The following DCLRE1C variants were observed in gnomAD, a reference collection of about 807,000 sequenced individuals.
DCLRE1C encodes DNA cross-link repair 1C.
In DCLRE1C, 47 loss-of-function variants were observed where a neutral mutation model predicts 61.4. That is an observed-to-expected ratio of 0.77 (90% confidence interval 0.61 to 0.98). The LOEUF is 0.98. Among genes scored for constraint, DCLRE1C ranks in the 50% least tolerant of loss-of-function variants. The probability of loss-of-function intolerance (pLI) is 0.00; values close to 1 mark genes in which losing one functional copy is unlikely to be tolerated. For synonymous variants in DCLRE1C, 337 were observed against 287.6 expected, an observed-to-expected ratio of 1.17 and a Z score of -1.74; for missense variants, 858 against 816.0, an observed-to-expected ratio of 1.05 and a Z score of -0.63.
chr10:14,936,670 C>A, intron 4 of DCLRE1C, 77 bp from the exon 5 acceptor site: 1 of 963,054 alleles, frequency 1.0e-6, no homozygotes, highest in Non-Finnish European at 1.7e-6. Flanking sequence ...CCCTCCTTCA[C>A]AGAACACATT....
chr10:14,908,801 G>C lies in DCLRE1C; in HGVS notation c.1686C>G (p.Ser562=), dbSNP rs1375156921. ...DSQSDTVLLS[S]QERNSGDITS... is the part of the protein sequence containing the mutation. ...TAATATCCCCACTGTTTCTCTCTTG[G>C]GAAGATAACAAAACAGTATCAGATT... Residue 562 remains serine, a synonymous_variant, in exon 14 of 14, where the codon TCC becomes TCG. Transcript: ENST00000378278. 9 of 1,614,060 alleles carry C rather than the reference G, an allele frequency of 5.6e-6. No homozygotes were observed. Among genetic ancestry groups the C allele is most frequent in the African/African-American group, 4.0e-5 (3 of 74,932 alleles).
At chr10:14,948,857 G>A (rs1481510073) in intron 2 of DCLRE1C, among the ~76,000 whole-genome samples, 179 bp downstream of exon 2, 1 of 151,982 alleles carries the variant, frequency 6.6e-6, no homozygotes, top group African/African-American at 2.4e-5. Flanking sequence ...ACCTTTGGGA[G>A]GAGGGAATGA....
At chr10:14,936,698 T>C (rs1485229925) in intron 4 of DCLRE1C, 105 bp from the exon 5 acceptor site, 3 of 769,258 alleles carry the variant, frequency 3.9e-6, no homozygotes, top group East Asian at 2.7e-5. Flanking sequence ...CTTTTAACAA[T>C]GTGCCTTTTC....
rs1040534479 is a variant in DCLRE1C, at chr10:14,906,648, A to T, written c.*1760T>A. On this transcript the variant is annotated 3_prime_UTR_variant, in exon 14 of 14. Coordinates refer to ENST00000378278, the MANE Select transcript of DCLRE1C (RefSeq NM_001033855.3). ...TCCAATACTTTTTGGTCGGATTGCC[A>T]TGCAGCATCATGATAATGCATATCA... Among the ~76,000 whole-genome samples the T allele has an allele frequency of 1.3e-5, 2 of 152,208 alleles. No individual in the cohort carries two copies. Among genetic ancestry groups the T allele is most frequent in the Admixed American group, 1.3e-4 (2 of 15,284 alleles).
chr10:14,911,918 TA>T (rs1166693757), intron 13 of DCLRE1C, among the ~76,000 whole-genome samples: 1 of 152,318 alleles, frequency 6.6e-6, no homozygotes, highest in Non-Finnish European at 1.5e-5. Flanking sequence ...ATGGCTATAC[TA>T]AAAAAGACGG....
intron 9 of DCLRE1C, among the ~76,000 whole-genome samples, chr10:14,932,504 G>C (rs1839182999): frequency 6.6e-6 from 1 of 152,042 alleles, no homozygotes; most frequent in Non-Finnish European, 1.5e-5. Flanking sequence ...GTGCATGGTG[G>C]CGGGCGCCTG....
chr10:14,898,211 T>TC (rs1833735684), exon 14 of DCLRE1C: 1 of 137,856 alleles, frequency 7.3e-6, no homozygotes, highest in African/African-American at 2.8e-5. Flanking sequence ...TCTTTTTTTT[T>TC]TTTTTTTTTT....
At chr10:14,944,510 A>G (rs1395734812) in intron 3 of DCLRE1C, among the ~76,000 whole-genome samples, 2 of 152,094 alleles carry the variant, frequency 1.3e-5, no homozygotes, top group Non-Finnish European at 2.9e-5. Flanking sequence ...AAAACAAAAA[A>G]TAGAAAATAT....
rs192514178 is a variant in DCLRE1C at position 14,935,410 on chromosome 10, C to G, written c.464+53G>C. 2,378 of 1,578,202 alleles carry G rather than the reference C, an allele frequency of 1.5e-3. 1 individual carries two copies. The highest frequency in any genetic ancestry group is 2.9e-3 in the Admixed American group (174 of 59,054). ...GAACTCTGGGCGACACAGCAAGACT[C>G]CATTTCACAAAAATAAAATAAAATA... On this transcript the variant is annotated intron_variant, in intron 6 of 13. Transcript: ENST00000378278.
intron 11 of DCLRE1C, chr10:14,923,644 G>C (rs1209947567): frequency 1.9e-5 from 3 of 155,190 alleles, no homozygotes; most frequent in Non-Finnish European, 2.8e-5. Context: ...CTCCAAAAAA[G>C]AACAACAAAA....
rs767611987 is a variant in DCLRE1C, at chr10:14,926,831, G to T, written c.972+12C>A. 5.6e-6 allele frequency: 9 copies of T among 1,607,990 alleles called. No individual in the cohort carries two copies. In the South Asian group the frequency reaches 9.9e-5, roughly 18 times the overall value. ...GAGCGATAAGGGTTATGAGTATATGGGATCCTCTTACCTCACTGTAGGAGG... is the reference window on the plus strand; with the variant it reads ...GAGCGATAAGGGTTATGAGTATATGTGATCCTCTTACCTCACTGTAGGAGG... On this transcript the variant is annotated intron_variant, in intron 11 of 13. Transcript: ENST00000378278.
intron 1 of DCLRE1C, among the ~76,000 whole-genome samples, chr10:14,951,276 G>A (rs1842411577): frequency 6.6e-6 from 1 of 151,448 alleles, no homozygotes; most frequent in Non-Finnish European, 1.5e-5. Context: ...AACTACTCAG[G>A]TGGGAGTACT....
rs1360331041 is a variant in DCLRE1C at position 14,908,982 on chromosome 10, T to C, written c.1505A>G (p.Glu502Gly). ...FFKRNDEITD[E>G]SLENFPSSTV... ...GGAGGAAGGGAAGTTTTCCAAACTC[T>C]CATCTGTGATTTCATCATTTCTTTT... The change falls in exon 14 of 14, where the codon GAG becomes GGG. Residue 502 changes from glutamate (E) to glycine (G), a missense_variant. Transcript: ENST00000378278. 5.6e-6 allele frequency: 9 copies of C among 1,614,128 alleles called. No individual in the cohort carries two copies. Among genetic ancestry groups the C allele is most frequent in the Non-Finnish European group, 6.8e-6 (8 of 1,180,002 alleles).
Position 14,932,855 on chromosome 10 carries a change from T to G in DCLRE1C, c.779A>C (p.Lys260Thr). ...NTQIHACRHP[K>T]AEEYFQWSKL... ...GAGAGGAATCACTTGCACACGTACC[T>G]TGGGATGCCGGCATGCATGGATCTG... is the stretch of plus-strand genomic sequence containing the variant. Residue 260 changes from lysine to threonine, a missense_variant and splice_region_variant, in exon 9 of 14, where the codon AAG (lysine) becomes ACG (threonine). Around this residue, in one of 2 missense-constraint regions of DCLRE1C, gnomAD observed 843 missense variants for 783.5 expected, o/e 1.08. Transcript: ENST00000378278. 1 of 1,614,150 alleles carries G rather than the reference T, an allele frequency of 6.2e-7. No homozygotes were observed. Among genetic ancestry groups the G allele is most frequent in the Non-Finnish European group, 8.5e-7 (1 of 1,179,992 alleles).
At chr10:14,921,180 C>T (rs551583739) in intron 12 of DCLRE1C, among the ~76,000 whole-genome samples, 41 of 151,596 alleles carry the variant, frequency 2.7e-4, no homozygotes, top group Admixed American at 4.6e-4. Flanking sequence ...ATTAGCCGGG[C>T]GTGGTCGCGG....
downstream of DCLRE1C, chr10:14,902,579 C>T: frequency 1.0e-6 from 1 of 992,844 alleles, no homozygotes; most frequent in East Asian, 2.7e-5. Flanking sequence ...TTTAAAAATA[C>T]ATATTTGGGA....
At chr10:14,935,180 C>A (rs1839699339) in intron 6 of DCLRE1C, among the ~76,000 whole-genome samples, 2 of 151,792 alleles carry the variant, frequency 1.3e-5, no homozygotes, top group Admixed American at 6.6e-5. Flanking sequence ...AAGAACTGTA[C>A]AAGAGGCCAG....
At chr10:14,932,503 G>A (rs1228399300) in intron 9 of DCLRE1C, among the ~76,000 whole-genome samples, 2 of 152,064 alleles carry the variant, frequency 1.3e-5, no homozygotes, top group Non-Finnish European at 2.9e-5. Context: ...CGTGCATGGT[G>A]GCGGGCGCCT....
rs371162898 is a variant in DCLRE1C, at chr10:14,939,844, G to C, written c.272C>G (p.Thr91Ser). The C allele has an allele frequency of 3.1e-6, 5 of 1,598,218 alleles. No individual in the cohort carries two copies. The African/African-American group carries it at 6.7e-5, about 21-fold the overall frequency. Reference sequence around the variant, plus strand: ...TGCTTCATCCACTAAAGATATCTGGGTAGGAGTCTCGATTTCAATAGATAT... The same window carrying C: ...TGCTTCATCCACTAAAGATATCTGGCTAGGAGTCTCGATTTCAATAGATAT... ...RIISIEIETP[T>S]QISLVDEASG... The change falls in exon 4 of 14, where the codon ACC becomes AGC. Residue 91 changes from threonine (T) to serine (S), a missense_variant. Transcript: ENST00000378278.
Sources: gnomAD v4.1 joint callset for allele counts (sites outside exome capture counted in the v4.1 genomes callset) on GRCh38, gnomAD v4.1.1 for gene constraint, gnomAD v4.1.1 regional missense constraint, MANE v1.5 for transcripts, NCBI Gene and HGNC (gene_info 2026-07-23, HGNC 2026-07-21) for gene names.